SIK3: variants seen among roughly 807,000 people sequenced by gnomAD.
The protein encoded by SIK3 is serine/threonine-protein kinase SIK3.
SIK3 carries 28 observed loss-of-function variants against 144.2 expected under a neutral mutation model. The ratio of observed to expected loss-of-function variants is 0.19; its 90% CI spans 0.14 to 0.27. The LOEUF is 0.27. Among genes scored for constraint, SIK3 ranks in the 10% least tolerant of loss-of-function variants. The probability of loss-of-function intolerance (pLI) is 1.00; values close to 1 mark genes in which losing one functional copy is unlikely to be tolerated. For missense variants in SIK3, 1,319 were observed against 1,776.0 expected, an observed-to-expected ratio of 0.74 and a Z score of 4.62; for synonymous variants, 686 against 676.3, an observed-to-expected ratio of 1.01 and a Z score of -0.22.
At chr11:117,078,045 G>A (rs7108830) in intron 1 of SIK3, among the ~76,000 whole-genome samples, 8,531 of 152,208 alleles carry the variant, frequency 0.056, 527 homozygotes, top group African/African-American at 0.15. Flanking sequence ...CAGTTATTTA[G>A]AATAAACAAT....
chr11:116,886,545 T>G (rs939570544), intron 6 of SIK3, among the ~76,000 whole-genome samples: 1 of 152,230 alleles, frequency 6.6e-6, no homozygotes, highest in Non-Finnish European at 1.5e-5. Flanking sequence ...AAAATGCTCA[T>G]GCAGTATTAC....
chr11:117,000,707 A>G (rs1313608912), intron 1 of SIK3, among the ~76,000 whole-genome samples: 1 of 152,248 alleles, frequency 6.6e-6, no homozygotes, highest in East Asian at 1.9e-4. Context: ...TTATTCAGAC[A>G]CTGCCAGGAC....
intron 4 of SIK3, among the ~76,000 whole-genome samples, chr11:116,900,824 C>A (rs1172752205): frequency 1.3e-5 from 2 of 152,050 alleles, no homozygotes; most frequent in Admixed American, 1.3e-4. Context: ...CCTCTACATC[C>A]CATTACTGTT....
At chr11:116,884,242 C>G (rs1464207767) in intron 6 of SIK3, among the ~76,000 whole-genome samples, 2 of 151,832 alleles carry the variant, frequency 1.3e-5, no homozygotes, top group African/African-American at 2.4e-5. Context: ...GTTGGCCAGG[C>G]TGGGTGCAAT....
rs954224485 is a variant in SIK3, at chr11:116,847,590, G to A, written c.3838C>T (p.Pro1280Ser). ...TTCCCAGCCACGAGACTCATTCCTG[G>A]CAAGTTATCCAGCTGTACCTGCAGA... ...DDAYVQLDNL[P>S]GMSLVAGKAL... The change falls in exon 23 of 25, where the codon CCA becomes TCA. Residue 1280 changes from proline to serine, a missense_variant. Physicochemically the swap from Pro to Ser is moderately conservative, Grantham distance 74. Coordinates refer to ENST00000445177, the MANE Select transcript of SIK3 (RefSeq NM_001366686.3). 5.0e-6 allele frequency: 8 copies of A among 1,614,054 alleles called. No individual in the cohort carries two copies. The highest frequency in any genetic ancestry group is 1.6e-4 in the Middle Eastern group (1 of 6,084).
intron 23 of SIK3, among the ~76,000 whole-genome samples, chr11:116,847,230 A>G (rs1461331717): frequency 1.3e-5 from 2 of 152,220 alleles, no homozygotes; most frequent in African/African-American, 4.8e-5. Context: ...GATTGAAGGC[A>G]TATCATCACA....
At chr11:117,000,309 A>C (rs923356835) in intron 1 of SIK3, among the ~76,000 whole-genome samples, 54 of 152,368 alleles carry the variant, frequency 3.5e-4, no homozygotes, top group African/African-American at 1.2e-3. Context: ...AGATGTGCAC[A>C]GGAGACTTGA....
intron 1 of SIK3, among the ~76,000 whole-genome samples, chr11:116,982,524 G>A (rs1248703898): frequency 1.3e-5 from 2 of 152,008 alleles, no homozygotes; most frequent in African/African-American, 2.4e-5. Context: ...TCCTGACCTC[G>A]TGATTTGCCC....
At chr11:116,922,508 C>G (rs1487469794) in intron 4 of SIK3, among the ~76,000 whole-genome samples, 1 of 151,834 alleles carries the variant, frequency 6.6e-6, no homozygotes, top group Non-Finnish European at 1.5e-5. Context: ...GGGGAAGGGG[C>G]GGGCATGGTG....
chr11:117,002,413 A>T (rs1473245737), intron 1 of SIK3, among the ~76,000 whole-genome samples: 1 of 135,708 alleles, frequency 7.4e-6, no homozygotes, highest in East Asian at 2.4e-4. Flanking sequence ...CTTAAGGGAC[A>T]GCCCTTAAGT....
intron 1 of SIK3, among the ~76,000 whole-genome samples, chr11:117,010,338 G>T (rs569747101): frequency 1.3e-5 from 2 of 152,262 alleles, no homozygotes; most frequent in East Asian, 3.9e-4. Context: ...GGTGGGGTGG[G>T]CAGAAAAGTG....
At chr11:116,964,502 C>T (rs190376964) in intron 1 of SIK3, among the ~76,000 whole-genome samples, 2 of 152,190 alleles carry the variant, frequency 1.3e-5, no homozygotes, top group African/African-American at 4.8e-5. Flanking sequence ...CAACTCGAGA[C>T]ACAAGGACTC....
intron 1 of SIK3, among the ~76,000 whole-genome samples, chr11:117,091,948 A>G (rs1396027966): frequency 2.6e-5 from 4 of 151,906 alleles, no homozygotes; most frequent in African/African-American, 4.8e-5. Context: ...ACACCCAGCT[A>G]ATTTTTAAAT....
At chr11:116,900,835 C>T (rs1303942036) in intron 4 of SIK3, among the ~76,000 whole-genome samples, 6 of 151,944 alleles carry the variant, frequency 3.9e-5, no homozygotes, top group African/African-American at 1.4e-4. Flanking sequence ...CATTACTGTT[C>T]TGTCATATAC....
At chr11:116,896,140 T>G (rs1945384345) in intron 6 of SIK3, 113 bp downstream of exon 6, 3 of 1,436,086 alleles carry the variant, frequency 2.1e-6, no homozygotes, top group Non-Finnish European at 2.9e-6. Flanking sequence ...CAAGCTGGAG[T>G]TAAAAAAGGT....
chr11:116,980,438 G>C (rs921938462), intron 1 of SIK3, among the ~76,000 whole-genome samples: 16 of 152,224 alleles, frequency 1.1e-4, no homozygotes, highest in Non-Finnish European at 2.2e-4. Flanking sequence ...AGGTGGTTTA[G>C]ACAGCTTGAA....
At chr11:117,007,282 G>A (rs1198409119) in intron 1 of SIK3, among the ~76,000 whole-genome samples, 1 of 152,230 alleles carries the variant, frequency 6.6e-6, no homozygotes, top group African/African-American at 2.4e-5. Context: ...GGAGGCTGAT[G>A]TGAGACAATC....
intron 1 of SIK3, among the ~76,000 whole-genome samples, chr11:117,052,661 A>G (rs1312110117): frequency 2.0e-5 from 3 of 152,232 alleles, no homozygotes; most frequent in Non-Finnish European, 4.4e-5. Flanking sequence ...CTTGGATTGT[A>G]TCCCTTTAAG....
Position 116,956,929 on chromosome 11 carries a change from T to C in SIK3, c.390+19A>G. On this transcript the variant is annotated intron_variant, in intron 2 of 24. Coordinates refer to ENST00000445177, the MANE Select transcript of SIK3 (RefSeq NM_001366686.3). The stretch of plus-strand genomic sequence containing the variant: ...TTCTGGGTTCTTTGCAGCTATCTGC[T>C]ATACACTAATGATCCTACCTGGTAG... 1.3e-6 allele frequency: 2 copies of C among 1,496,486 alleles called. No homozygotes were observed. The highest frequency in any genetic ancestry group is 1.8e-6 in the Non-Finnish European group (2 of 1,095,430). The allele number at this position is 1,496,486 out of a possible 1,614,324, so 92.7% of individuals were successfully genotyped here. A position where few individuals can be genotyped will look rare whatever the true frequency, so the allele number is the denominator to read the frequency against.
Sources: gnomAD v4.1 joint callset for allele counts (sites outside exome capture counted in the v4.1 genomes callset) on GRCh38, gnomAD v4.1.1 for gene constraint, MANE v1.5 for transcripts, NCBI Gene and HGNC (gene_info 2026-07-23, HGNC 2026-07-21) for gene names.